NMD3: variants seen among roughly 807,000 people sequenced by gnomAD.
The protein encoded by NMD3 is NMD3 ribosome export adaptor, also known as 60S ribosomal export protein NMD3.
NMD3 carries 47 observed loss-of-function variants against 73.1 expected under a neutral mutation model. That is an observed-to-expected ratio of 0.64 (90% CI 0.51 to 0.82). The LOEUF (loss-of-function observed/expected upper bound fraction) is 0.82, where lower values mean the gene tolerates loss of function less well. Among genes scored for constraint, NMD3 ranks in the 40% least tolerant of loss-of-function variants. The pLI is 0.00. For missense variants in NMD3, 554 were observed against 612.5 expected (o/e 0.90, Z 1.01); for synonymous variants, 210 against 194.5 (o/e 1.08, Z -0.66).
intron 5 of NMD3, among the ~76,000 whole-genome samples, chr3:161,234,439 T>TTATATATATATA (rs59829615): frequency 1.4e-5 from 2 of 145,500 alleles, no homozygotes; most frequent in African/African-American, 5.0e-5. Flanking sequence ...TCAAAAAAAA[T>TTATATATATATA]TATATATATA....
intron 2 of NMD3, chr3:161,223,293 T>C (rs1736180631): frequency 6.6e-6 from 1 of 152,240 alleles, no homozygotes; most frequent in African/African-American, 2.4e-5. Flanking sequence ...GTGGCTACCA[T>C]TGGACATGGA....
In NMD3 at chr3:161,234,772, G is replaced by A. The variant is rs760527018; in HGVS notation, c.403G>A (p.Val135Ile). The change falls in exon 6 of 16, where the codon GTT (valine) becomes ATT (isoleucine). Residue 135 changes from valine (V) to isoleucine (I), a missense_variant. By Grantham distance (29) the Val-to-Ile change is conservative. Transcript: ENST00000351193. Reference sequence around the variant, plus strand: ...TCAACAAGTGTTTGTGGTGGATTATGTTGTTCAGTCCCAAATGTGTGGAGA... The same window carrying A: ...TCAACAAGTGTTTGTGGTGGATTATATTGTTCAGTCCCAAATGTGTGGAGA... ...ILQQVFVVDY[V>I]VQSQMCGDCH... is the part of the protein sequence containing the mutation. The A allele has an allele frequency of 3.1e-6, 5 of 1,613,004 alleles. No homozygotes were observed. The highest frequency in any genetic ancestry group is 4.2e-6 in the Non-Finnish European group (5 of 1,179,202).
chr3:161,235,062 C>T lies in NMD3; in HGVS notation c.487-60C>T. The T allele has an allele frequency of 3.3e-6, 3 of 911,370 alleles. No homozygotes were observed. In the South Asian group the frequency reaches 4.8e-5, roughly 14 times the overall value. The allele number at this position is 911,370 out of a possible 1,614,324, so 56.5% of individuals were successfully genotyped here. A position where few individuals can be genotyped will look rare whatever the true frequency, so the allele number is the denominator to read the frequency against. On this transcript the variant is annotated intron_variant, in intron 6 of 15. Transcript: ENST00000351193. ...CTCTATCTGTAGATAGTATGTGTGTCCTATACCTATAAATGGCTTTTTTGT... is the reference window on the plus strand; with the variant it reads ...CTCTATCTGTAGATAGTATGTGTGTTCTATACCTATAAATGGCTTTTTTGT...
At chr3:161,226,690 A>G (rs1390613256) in intron 3 of NMD3, among the ~76,000 whole-genome samples, 1 of 152,120 alleles carries the variant, frequency 6.6e-6, no homozygotes, top group Non-Finnish European at 1.5e-5. Context: ...AGGACTAAAA[A>G]CCTTAAAGCA....
At chr3:161,227,100 T>C in intron 3 of NMD3, 147 bp from the exon 4 acceptor site, 1 of 534,578 alleles carries the variant, frequency 1.9e-6, no homozygotes, top group East Asian at 3.3e-5. Context: ...TTTGGAACCA[T>C]TAAAATATGT....
chr3:161,235,246 T>A, intron 7 of NMD3, 34 bp downstream of exon 7: 1 of 1,064,784 alleles, frequency 9.4e-7, no homozygotes, highest in Non-Finnish European at 1.4e-6. Flanking sequence ...TGAAATTATG[T>A]CAGATTTTTA....
chr3:161,230,244 A>G (rs1232145291), intron 4 of NMD3, among the ~76,000 whole-genome samples: 3 of 152,132 alleles, frequency 2.0e-5, no homozygotes, highest in African/African-American at 7.2e-5. Flanking sequence ...TACTACAAAC[A>G]TGCACCACCA....
At chr3:161,236,462 A>C (rs1736761340) in intron 7 of NMD3, among the ~76,000 whole-genome samples, 1 of 152,250 alleles carries the variant, frequency 6.6e-6, no homozygotes, top group Non-Finnish European at 1.5e-5. Flanking sequence ...TCTGGATACA[A>C]GTCTCTTACT....
chr3:161,226,850 CT>C (rs925474366), intron 3 of NMD3, among the ~76,000 whole-genome samples: 16 of 151,908 alleles, frequency 1.1e-4, no homozygotes, highest in African/African-American at 2.2e-4. Context: ...ACTAATGTAC[CT>C]TTTTTTTGTG....
In NMD3 at chr3:161,235,202, A is replaced by C; in HGVS notation, c.567A>C (p.Lys189Asn). The C allele has an allele frequency of 6.6e-7, 1 of 1,508,142 alleles. No individual in the cohort carries two copies. Among genetic ancestry groups the C allele is most frequent in the Non-Finnish European group, 9.1e-7 (1 of 1,099,942 alleles). The allele number at this position is 1,508,142 out of a possible 1,614,324, so 93.4% of individuals were successfully genotyped here. A position where few individuals can be genotyped will look rare whatever the true frequency, so the allele number is the denominator to read the frequency against. Residue 189 changes from lysine to asparagine, a missense_variant, in exon 7 of 16, where the codon AAA becomes AAC. Coordinates refer to ENST00000351193, the MANE Select transcript of NMD3 (RefSeq NM_015938.5). Reference sequence around the variant, plus strand: ...TGCATCAGAATACACTTCGTATCAAAGAGATTCATGGTGAGTTAAAACTCA... The same window carrying C: ...TGCATCAGAATACACTTCGTATCAACGAGATTCATGGTGAGTTAAAACTCA... ...YGMHQNTLRI[K>N]EIHDGLDFYY...
At chr3:161,243,517 T>G (rs1737072885) in intron 11 of NMD3, among the ~76,000 whole-genome samples, 1 of 152,202 alleles carries the variant, frequency 6.6e-6, no homozygotes, top group Non-Finnish European at 1.5e-5. Flanking sequence ...ATGGGAATAT[T>G]ATACCTTTTT....
rs141950604 is a variant in NMD3, at chr3:161,241,141, C to T, written c.849C>T (p.Leu283=). Residue 283 remains leucine (L), a synonymous_variant, in exon 10 of 16, where the codon CTC becomes CTT. Coordinates refer to ENST00000351193, the MANE Select transcript of NMD3 (RefSeq NM_015938.5). ...TTCGAGTAACCAGTGCCATTCACCT[C>T]ATTGATCCAAACACCCTACAAGGTA... ...VCIRVTSAIH[L]IDPNTLQVAD... 744 of 1,608,270 alleles carry T rather than the reference C, an allele frequency of 4.6e-4. No homozygotes were observed. Among genetic ancestry groups the T allele is most frequent in the Middle Eastern group, 2.3e-3 (14 of 6,028 alleles).
intron 13 of NMD3, 140 bp downstream of exon 13, chr3:161,247,470 C>CA (rs112296132): frequency 8.7e-6 from 4 of 462,188 alleles, no homozygotes. Context: ...GGTATAATAG[C>CA]AAAATTTTTT....
At position 161,233,341 on chromosome 3, in the gene NMD3, T is replaced by C. The variant is rs1186530645; in HGVS notation, c.277-58T>C. Reference sequence around the variant, plus strand: ...TGCTTATTGATGATTTGTTCTTTCGTGTTTTTTTTCCTCCTAGGTGAGAAC... The same window carrying C: ...TGCTTATTGATGATTTGTTCTTTCGCGTTTTTTTTCCTCCTAGGTGAGAAC... On this transcript the variant is annotated intron_variant, in intron 4 of 15. Transcript: ENST00000351193. 16 of 1,173,234 alleles carry C rather than the reference T, an allele frequency of 1.4e-5. No individual in the cohort carries two copies. In the South Asian group the frequency reaches 2.1e-4, roughly 16 times the overall value. The allele number at this position is 1,173,234 out of a possible 1,614,324, so 72.7% of individuals were successfully genotyped here. A position where few individuals can be genotyped will look rare whatever the true frequency, so the allele number is the denominator to read the frequency against.
At chr3:161,245,340 C>T (rs1307980192) in intron 11 of NMD3, among the ~76,000 whole-genome samples, 1 of 151,572 alleles carries the variant, frequency 6.6e-6, no homozygotes, top group Admixed American at 6.6e-5. Context: ...GATATAAAAC[C>T]AGATACTGTA....
intron 9 of NMD3, among the ~76,000 whole-genome samples, chr3:161,239,581 T>C (rs1005203598): frequency 2.0e-5 from 3 of 152,196 alleles, no homozygotes; most frequent in African/African-American, 7.2e-5. Flanking sequence ...AGCCATATCA[T>C]TTTGACGATG....
rs778682900 is a variant in NMD3 at position 161,242,501 on chromosome 3, T to A, written c.872-7T>A. On this transcript the variant is annotated splice_region_variant and splice_polypyrimidine_tract_variant and intron_variant, in intron 10 of 15. Transcript: ENST00000351193. Reference sequence around the variant, plus strand: ...CTTATGTTTTTGTGTTCTATCCTTATTTTTAGTGGCAGATATTGATGGGAG... The same window carrying A: ...CTTATGTTTTTGTGTTCTATCCTTAATTTTAGTGGCAGATATTGATGGGAG... 1.9e-6 allele frequency: 3 copies of A among 1,609,982 alleles called. No homozygotes were observed. Among genetic ancestry groups the A allele is most frequent in the Non-Finnish European group, 2.5e-6 (3 of 1,177,402 alleles).
intron 4 of NMD3, among the ~76,000 whole-genome samples, chr3:161,229,023 G>A (rs1736435818): frequency 6.6e-6 from 1 of 152,138 alleles, no homozygotes; most frequent in Non-Finnish European, 1.5e-5. Context: ...GAAATGTGGA[G>A]GAAGAGCATT....
chr3:161,233,860 A>G (rs6768818), intron 5 of NMD3, among the ~76,000 whole-genome samples: 75,215 of 151,810 alleles, frequency 0.5, 19,064 homozygotes, highest in East Asian at 0.77. Context: ...TTGGGACAAG[A>G]AGTGTTTCAG....
Sources: gnomAD v4.1 joint callset for allele counts (sites outside exome capture counted in the v4.1 genomes callset) on GRCh38, gnomAD v4.1.1 for gene constraint, MANE v1.5 for transcripts, NCBI Gene and HGNC (gene_info 2026-07-23, HGNC 2026-07-21) for gene names.